The following OPRM1 variants were observed in gnomAD, a reference collection of about 807,000 sequenced individuals.
The protein encoded by OPRM1 is mu-type opioid receptor.
Under a neutral mutation model 31.8 loss-of-function variants are expected in OPRM1, and 27 were observed. The ratio of observed to expected loss-of-function variants is 0.85; its 90% CI spans 0.63 to 1.17. The LOEUF (loss-of-function observed/expected upper bound fraction) is 1.17, where lower values mean the gene tolerates loss of function less well. OPRM1 is among the 50% of genes most tolerant of loss of function. The pLI, the probability that OPRM1 is intolerant of heterozygous loss-of-function variation, is 0.00. For missense variants in OPRM1, 536 were observed against 511.1 expected (o/e 1.05, Z -0.47); for synonymous variants, 196 against 189.9 (o/e 1.03, Z -0.26).
Position 154,107,953 on chromosome 6 carries a change from T to TTTATTTTATTTTATTTTA in OPRM1, c.1165-10728_1165-10727insATTTTATTTTATTTTATT, listed in dbSNP as rs1795844547. On this transcript the variant is annotated intron_variant, in intron 3 of 3. Coordinates refer to ENST00000330432, the MANE Select transcript of OPRM1 (RefSeq NM_000914.5). ...TTTACAGAGGAGATAAACACTGATT[T>TTTATTTTATTTTATTTTA]TTTTATTTTATTTTATTTTATTTTA... 4 of 517,182 alleles carry TTTATTTTATTTTATTTTA rather than the reference T, an allele frequency of 7.7e-6. No homozygotes were observed. In the African/African-American group the frequency reaches 9.5e-5, roughly 12 times the overall value. The allele number at this position is 517,182 out of a possible 1,614,324, so 32.0% of individuals were successfully genotyped here.
chr6:154,070,563 G>A (rs1006513439), intron 1 of OPRM1, among the ~76,000 whole-genome samples: 1 of 152,112 alleles, frequency 6.6e-6, no homozygotes, highest in Non-Finnish European at 1.5e-5. Flanking sequence ...TAATTATAAT[G>A]CTCAAAAACA....
chr6:154,073,796 A>G (rs1787281896), intron 1 of OPRM1: 1 of 152,356 alleles, frequency 6.6e-6, no homozygotes, highest in African/African-American at 2.4e-5. Context: ...TAAGGCCAGG[A>G]GTTCAAGACC....
chr6:154,178,035 A>G (rs986589709), intron 3 of OPRM1, among the ~76,000 whole-genome samples: 9 of 152,080 alleles, frequency 5.9e-5, no homozygotes, highest in African/African-American at 2.2e-4. Context: ...AAAATATCAC[A>G]AGGACAGAAA....
At position 154,235,351 on chromosome 6, in the gene OPRM1, C is replaced by T. The variant is rs375392413; in HGVS notation, c.1165-11342C>T. 1.4e-3 allele frequency among the ~76,000 whole-genome samples: 213 copies of T among 151,918 alleles called. 1 individual carries two copies. Among genetic ancestry groups the T allele is most frequent in the African/African-American group, 4.8e-3 (199 of 41,450 alleles). ...TTTGAGACCAGCCTGGCCCACATGG[C>T]GAAAACCCGTCTCTACTAAAAATAC... is the stretch of plus-strand genomic sequence containing the variant. On this transcript the variant is annotated intron_variant, in intron 3 of 3. Coordinates refer to the OPRM1 transcript ENST00000337049.
chr6:154,090,804 A>G, intron 2 of OPRM1, 148 bp from the exon 3 acceptor site: 1 of 721,634 alleles, frequency 1.4e-6, no homozygotes, highest in Non-Finnish European at 2.2e-6. Flanking sequence ...GAAAAGTAAC[A>G]AACAACTGAG....
intron 3 of OPRM1, among the ~76,000 whole-genome samples, chr6:154,163,326 T>G (rs1288223604): frequency 6.6e-6 from 1 of 152,194 alleles, no homozygotes; most frequent in East Asian, 1.9e-4. Flanking sequence ...TTTTGTTCCT[T>G]TTGCCTGAAA....
At chr6:154,215,131 T>C (rs1778284144) in intron 3 of OPRM1, among the ~76,000 whole-genome samples, 1 of 152,194 alleles carries the variant, frequency 6.6e-6, no homozygotes, top group South Asian at 2.1e-4. Flanking sequence ...GTCTATGCTT[T>C]TGATGTCTTC....
chr6:154,185,911 C>A (rs2128574219), intron 3 of OPRM1, among the ~76,000 whole-genome samples: 1 of 152,336 alleles, frequency 6.6e-6, no homozygotes, highest in South Asian at 2.1e-4. Context: ...AAAGCTAAAG[C>A]ATTTGGCTGA....
intron 1 of OPRM1, among the ~76,000 whole-genome samples, chr6:154,085,332 A>G (rs972977589): frequency 2.6e-5 from 4 of 152,240 alleles, no homozygotes; most frequent in African/African-American, 9.6e-5. Context: ...TGGAAGTTCC[A>G]TAAAAATCAC....
Position 154,108,611 on chromosome 6 carries a change from G to A in OPRM1, c.1165-10072G>A, listed in dbSNP as rs1583583861. The A allele has an allele frequency of 5.1e-6, 1 of 195,634 alleles. No homozygotes were observed. The highest frequency in any genetic ancestry group is 9.3e-6 in the Non-Finnish European group (1 of 107,864). 12.1% of individuals were successfully genotyped at this position (195,634 alleles called of 1,614,324 possible). On this transcript the variant is annotated intron_variant, in intron 3 of 3. Transcript: ENST00000330432. ...TGCCATCCACAGCCATCAGCAAAGAGTGCAAGACAGATTAATCCAAAGAGA... is the reference window on the plus strand; with the variant it reads ...TGCCATCCACAGCCATCAGCAAAGAATGCAAGACAGATTAATCCAAAGAGA...
chr6:154,021,665 T>C (rs1432887856), intron 1 of OPRM1, among the ~76,000 whole-genome samples: 2 of 152,234 alleles, frequency 1.3e-5, no homozygotes, highest in African/African-American at 4.8e-5. Context: ...AAAGGTCTTA[T>C]ATATTTTCGT....
chr6:154,138,480 G>A (rs1332572842), intron 3 of OPRM1, among the ~76,000 whole-genome samples: 1 of 152,214 alleles, frequency 6.6e-6, no homozygotes, highest in Non-Finnish European at 1.5e-5. Context: ...TAAGGCTCAT[G>A]TGCCTGCTTT....
chr6:154,173,618 T>C (rs960225716), intron 3 of OPRM1, among the ~76,000 whole-genome samples: 1 of 151,920 alleles, frequency 6.6e-6, no homozygotes, highest in African/African-American at 2.4e-5. Context: ...GACAAGATTA[T>C]AGAAAAAAGA....
chr6:154,239,710 ACT>A (rs1780421703), intron 3 of OPRM1, among the ~76,000 whole-genome samples: 1 of 129,394 alleles, frequency 7.7e-6, no homozygotes, highest in Non-Finnish European at 1.8e-5. Flanking sequence ...CACTGAAGAA[ACT>A]TTTTTTTTTG....
chr6:154,039,465 C>A lies in OPRM1; in HGVS notation c.-80C>A. On this transcript the variant is annotated 5_prime_UTR_variant, in exon 1 of 4. Transcript: ENST00000330432. ...GAGCTGTGGCAGCGGCGAAAGGAAG[C>A]GGCTGAGGCGCTTGGAACCCGAAAA... The A allele has an allele frequency of 6.4e-7, 1 of 1,553,490 alleles. No individual in the cohort carries two copies. The highest frequency in any genetic ancestry group is 1.4e-5 in the African/African-American group (1 of 73,300).
At chr6:154,152,296 GAAGAAAGAAAGAAAGA>G (rs1165338713) in intron 3 of OPRM1, among the ~76,000 whole-genome samples, 216 of 96,566 alleles carry the variant, frequency 2.2e-3, no homozygotes, top group Middle Eastern at 5.5e-3. Context: ...AAGGAAGAGA[GAAGAAAGAAAGAAAGA>G]AAGAAAGAAA....
intron 1 of OPRM1, among the ~76,000 whole-genome samples, chr6:154,060,097 A>C (rs1028956965): frequency 5.9e-5 from 9 of 152,212 alleles, no homozygotes; most frequent in African/African-American, 1.9e-4. Context: ...TAGAAGAGGA[A>C]TTAAATCTGG....
At chr6:154,169,115 C>T (rs1417155737) in intron 3 of OPRM1, among the ~76,000 whole-genome samples, 2 of 151,768 alleles carry the variant, frequency 1.3e-5, no homozygotes, top group Admixed American at 6.6e-5. Context: ...AATCCCAACA[C>T]TTTGGGAGGC....
At chr6:154,045,806 A>G (rs1002390773) in intron 1 of OPRM1, among the ~76,000 whole-genome samples, 3 of 152,224 alleles carry the variant, frequency 2.0e-5, no homozygotes, top group Non-Finnish European at 2.9e-5. Context: ...TTGGAAGTTC[A>G]GGAAAGTTCC....
Sources: allele counts gnomAD v4.1 joint callset (sites outside exome capture counted in the v4.1 genomes callset), GRCh38; gene constraint gnomAD v4.1.1; transcripts MANE v1.5; gene names NCBI Gene and HGNC (gene_info 2026-07-23, HGNC 2026-07-21).